The following RABAC1 variants were observed in gnomAD, a reference collection of about 807,000 sequenced individuals.
RABAC1 encodes the protein prenylated Rab acceptor protein 1.
RABAC1 carries 16 observed loss-of-function variants against 22.9 expected under a neutral mutation model. That is an observed-to-expected ratio of 0.70 (90% confidence interval 0.47 to 1.06). The LOEUF (loss-of-function observed/expected upper bound fraction) is 1.06. Ranked by LOEUF, RABAC1 falls within the 50% of genes least tolerant of loss-of-function variation. The pLI, the probability that RABAC1 is intolerant of heterozygous loss-of-function variation, is 0.00. For synonymous variants in RABAC1, 139 were observed against 107.7 expected, an observed-to-expected ratio of 1.29 and a Z score of -1.80; for missense variants, 227 against 246.5, an observed-to-expected ratio of 0.92 and a Z score of 0.53.
intron 1 of RABAC1, 83 bp from the exon 2 acceptor site, chr19:41,959,031 A>C (rs1270029880): frequency 1.1e-5 from 15 of 1,408,572 alleles, no homozygotes; most frequent in East Asian, 1.0e-4. Context: ...GGGTGCCTGG[A>C]CTCCCTCCCG....
intron 1 of RABAC1, 77 bp downstream of exon 1, chr19:41,959,160 G>C (rs1034693024): frequency 3.2e-6 from 5 of 1,582,270 alleles, no homozygotes; most frequent in South Asian, 2.2e-5. Flanking sequence ...CCAGGCTCTC[G>C]AGGGAGGAGG....
intron 2 of RABAC1, 139 bp from the exon 3 acceptor site, chr19:41,958,522 T>A (rs971745971): frequency 1.0e-6 from 1 of 953,118 alleles, no homozygotes; most frequent in Non-Finnish European, 1.6e-6. Flanking sequence ...TCACACTGCA[T>A]CCTGGCCAGG....
chr19:41,957,977 G>A (rs1340952073), intron 3 of RABAC1: 11 of 334,296 alleles, frequency 3.3e-5, no homozygotes, highest in Non-Finnish European at 6.4e-5. Flanking sequence ...GCTGATGTTG[G>A]CCGCAGAGAG....
At chr19:41,958,025 T>G (rs530954031) in intron 3 of RABAC1, 33 of 417,436 alleles carry the variant, frequency 7.9e-5, no homozygotes, top group Non-Finnish European at 1.3e-4. Flanking sequence ...AGTCATGTGG[T>G]TTGAAAAGGA....
At chr19:41,958,711 G>T in intron 2 of RABAC1, 25 bp downstream of exon 2, 1 of 1,602,058 alleles carries the variant, frequency 6.2e-7, no homozygotes. Context: ...GGCTAGTGCG[G>T]GTGCGGGGCC....
chr19:41,958,712 G>C lies in RABAC1; in HGVS notation c.269+24C>G, dbSNP rs781791524. The C allele has an allele frequency of 9.4e-6, 15 of 1,602,648 alleles. No individual in the cohort carries two copies. In the Admixed American group the frequency reaches 2.4e-4, roughly 25 times the overall value. On this transcript the variant is annotated intron_variant, in intron 2 of 4. Transcript: ENST00000222008. ...GTCCAGCCGGTCGGGGCTAGTGCGG[G>C]TGCGGGGCCCGGGAGGCACTCACAC... is the stretch of plus-strand genomic sequence containing the variant.
intron 3 of RABAC1, 105 bp downstream of exon 3, chr19:41,958,181 G>A: frequency 1.8e-6 from 2 of 1,082,826 alleles, no homozygotes; most frequent in Non-Finnish European, 2.7e-6. Flanking sequence ...GGCTTGGGCG[G>A]ACTTGGGTTT....
Position 41,956,822 on chromosome 19 carries a change from G to C in RABAC1, c.*24C>G, listed in dbSNP as rs372518441. On this transcript the variant is annotated 3_prime_UTR_variant, in exon 5 of 5. Transcript: ENST00000222008. ...CAGGGGTGGGGCAGCTGGCCCGGGAGGCCGGCAGGTCCCAGAAGACACCTC... is the reference window on the plus strand; with the variant it reads ...CAGGGGTGGGGCAGCTGGCCCGGGACGCCGGCAGGTCCCAGAAGACACCTC... 1 of 1,585,210 alleles carries C rather than the reference G, an allele frequency of 6.3e-7. No homozygotes were observed. The highest frequency in any genetic ancestry group is 1.7e-5 in the Admixed American group (1 of 58,850).
intron 2 of RABAC1, 150 bp from the exon 3 acceptor site, chr19:41,958,533 G>C: frequency 1.1e-6 from 1 of 922,916 alleles, no homozygotes; most frequent in Non-Finnish European, 1.7e-6. Context: ...CCTGGCCAGG[G>C]TGATGGTGGG....
At chr19:41,958,441 G>A (rs1555857017) in intron 2 of RABAC1, 58 bp from the exon 3 acceptor site, 4 of 1,503,362 alleles carry the variant, frequency 2.7e-6, no homozygotes, top group Non-Finnish European at 3.7e-6. Context: ...CCAGCCCGAC[G>A]GCCCTGGCCT....
rs1318238438 is a variant in RABAC1, at chr19:41,957,183, G to A, written c.368-64C>T. The A allele has an allele frequency of 8.1e-6, 11 of 1,357,436 alleles. No homozygotes were observed. In the Admixed American group the frequency reaches 1.1e-4, roughly 14 times the overall value. The allele number at this position is 1,357,436 out of a possible 1,614,324, so 84.1% of individuals were successfully genotyped here. ...CATGCCCTCTCCCAGAGTAACCCCT[G>A]CTGCCCCCCAACAATCCGTACAAGC... On this transcript the variant is annotated intron_variant, in intron 3 of 4. Coordinates refer to ENST00000222008, the MANE Select transcript of RABAC1 (RefSeq NM_006423.3).
In RABAC1 at chr19:41,956,905, C is replaced by T. The variant is rs377244571; in HGVS notation, c.499G>A (p.Ala167Thr). 4.3e-5 allele frequency: 69 copies of T among 1,612,346 alleles called. No individual in the cohort carries two copies. The highest frequency in any genetic ancestry group is 5.5e-5 in the Non-Finnish European group (65 of 1,179,358). The change falls in exon 5 of 5, where the codon GCT becomes ACT. Residue 167 changes from alanine to threonine, a missense_variant. Physicochemically the swap from Ala to Thr is moderately conservative, Grantham distance 58 (BLOSUM62 0). Transcript: ENST00000222008. ...ACAGCCTCAATCTGGTGGAAGGCAG[C>T]GTGGGAGCCGATGACCACCAGGGTG... Reference protein sequence around the residue: ...GATLVVIGSHAAFHQIEAVDG... With the variant: ...GATLVVIGSHTAFHQIEAVDG...
intron 2 of RABAC1, 94 bp from the exon 3 acceptor site, chr19:41,958,477 A>G (rs2075000176): frequency 2.4e-6 from 3 of 1,232,088 alleles, no homozygotes; most frequent in Admixed American, 4.0e-5. Flanking sequence ...GGCAAGCTAC[A>G]TCCTGGAGAC....
chr19:41,958,639 A>C, intron 2 of RABAC1, 97 bp downstream of exon 2: 2 of 1,334,942 alleles, frequency 1.5e-6, no homozygotes, highest in South Asian at 2.7e-5. Context: ...GGGCGGTGAG[A>C]GGAGGGACCG....
At chr19:41,957,322 G>A (rs1253982215) in intron 3 of RABAC1, 26 of 577,530 alleles carry the variant, frequency 4.5e-5, no homozygotes, top group Middle Eastern at 4.5e-4. Context: ...CACCGTCCTC[G>A]CCTGCCTCAG....
Position 41,958,851 on chromosome 19 carries a change from G to A in RABAC1, c.154C>T (p.Gln52Ter), listed in dbSNP as rs957439896. 5 of 1,608,296 alleles carry A rather than the reference G, an allele frequency of 3.1e-6. No individual in the cohort carries two copies. The highest frequency in any genetic ancestry group is 3.4e-6 in the Non-Finnish European group (4 of 1,179,482). The change falls in exon 2 of 5, where the codon CAG becomes TAG. Residue 52 changes from glutamine (Q) to a stop codon, truncating the protein, a stop_gained. Coordinates refer to ENST00000222008, the MANE Select transcript of RABAC1 (RefSeq NM_006423.3). LOFTEE classifies it high-confidence loss of function. ...IRPWSTFVDQ[Q>*]RFSRPRNLGE... ...AGGTTGCGGGGCCGTGAGAAGCGCT[G>A]CTGGTCCACGAAGGTGCTCCAGGGC...
In RABAC1 at chr19:41,958,917, C is replaced by G; in HGVS notation, c.88G>C (p.Ala30Pro). 1 of 1,591,198 alleles carries G rather than the reference C, an allele frequency of 6.3e-7. No individual in the cohort carries two copies. Among genetic ancestry groups the G allele is most frequent in the Non-Finnish European group, 8.5e-7 (1 of 1,172,976 alleles). ...CGCCGCTCCAGCCACTCCCGGCCTG[C>G]ACCGGAGGGAATCAGCTTCGGCAGC... ...TLLPKLIPSG[A>P]GREWLERRRA... The change falls in exon 2 of 5, where the codon GCA becomes CCA. Residue 30 changes from alanine to proline, a missense_variant. Physicochemically the swap from Ala to Pro is conservative, Grantham distance 27. Coordinates refer to ENST00000222008, the MANE Select transcript of RABAC1 (RefSeq NM_006423.3).
rs1599694907 is a variant in RABAC1 at position 41,956,704 on chromosome 19, C to T, written c.*142G>A. The stretch of plus-strand genomic sequence containing the variant: ...AATATTTCCTGAATGACACCCATAA[C>T]AGCTTTATTTTCAAAGGCGGGATCC... On this transcript the variant is annotated 3_prime_UTR_variant, in exon 5 of 5. Coordinates refer to ENST00000222008, the MANE Select transcript of RABAC1 (RefSeq NM_006423.3). 50 of 702,352 alleles carry T rather than the reference C, an allele frequency of 7.1e-5. No homozygotes were observed. The East Asian group carries it at 1.4e-3, about 19-fold the overall frequency. 43.5% of individuals were successfully genotyped at this position (702,352 alleles called of 1,614,324 possible).
Position 41,956,893 on chromosome 19 carries a change from G to A in RABAC1, c.511C>T (p.Gln171Ter). The A allele has an allele frequency of 6.2e-7, 1 of 1,612,584 alleles. No homozygotes were observed. The highest frequency in any genetic ancestry group is 8.5e-7 in the Non-Finnish European group (1 of 1,179,432). Residue 171 changes from glutamine to a stop codon, truncating the protein, a stop_gained, in exon 5 of 5, where the codon CAG (glutamine) becomes TAG (stop). Transcript: ENST00000222008. LOFTEE classifies it high-confidence loss of function. ...VVIGSHAAFH[Q>*]IEAVDGEELQ... The stretch of plus-strand genomic sequence containing the variant: ...TCCTCCCCGTCCACAGCCTCAATCT[G>A]GTGGAAGGCAGCGTGGGAGCCGATG...
Sources: allele counts gnomAD v4.1 joint callset, GRCh38; gene constraint gnomAD v4.1.1; transcripts MANE v1.5; gene names NCBI Gene and HGNC (gene_info 2026-07-23, HGNC 2026-07-21).